SNX29: variants seen among roughly 807,000 people sequenced by gnomAD.
The protein encoded by SNX29 is sorting nexin 29.
SNX29 carries 78 observed loss-of-function variants against 102.1 expected under a neutral mutation model. That is an observed-to-expected ratio of 0.76 (90% CI 0.64 to 0.92). The LOEUF is 0.92. Among genes scored for constraint, SNX29 ranks in the 40% least tolerant of loss-of-function variants. The probability of loss-of-function intolerance (pLI) is 0.00; values close to 1 mark genes in which losing one functional copy is unlikely to be tolerated. For synonymous variants in SNX29, 580 were observed against 414.5 expected, an observed-to-expected ratio of 1.40 and a Z score of -4.85; for missense variants, 1,280 against 1,061.7, an observed-to-expected ratio of 1.21 and a Z score of -2.86.
At chr16:12,240,003 T>G (rs950816838) in intron 14 of SNX29, among the ~76,000 whole-genome samples, 1 of 152,218 alleles carries the variant, frequency 6.6e-6, no homozygotes, top group Non-Finnish European at 1.5e-5. Flanking sequence ...TAAAACACAT[T>G]TAGATCATTC....
intron 14 of SNX29, among the ~76,000 whole-genome samples, chr16:12,211,115 T>G (rs1255407304): frequency 1.3e-5 from 2 of 152,144 alleles, no homozygotes; most frequent in African/African-American, 4.8e-5. Context: ...TTATTTGATT[T>G]GTGCAGAGTA....
At chr16:12,508,436 T>C (rs1395496081) in intron 19 of SNX29, among the ~76,000 whole-genome samples, 1 of 152,234 alleles carries the variant, frequency 6.6e-6, no homozygotes, top group African/African-American at 2.4e-5. Flanking sequence ...TGATTTCTTT[T>C]TTCTGTTGCT....
intron 14 of SNX29, among the ~76,000 whole-genome samples, chr16:12,256,482 C>T (rs1245530738): frequency 1.3e-5 from 2 of 152,150 alleles, no homozygotes; most frequent in Non-Finnish European, 2.9e-5. Context: ...CGTGTACCAT[C>T]ATGCCCGGCT....
intron 18 of SNX29, among the ~76,000 whole-genome samples, chr16:12,466,411 A>G (rs922971179): frequency 1.3e-5 from 2 of 152,382 alleles, no homozygotes; most frequent in Middle Eastern, 3.4e-3. Context: ...TTATAATAAC[A>G]TCAGGCTAGA....
intron 1 of SNX29, among the ~76,000 whole-genome samples, chr16:11,994,158 C>G (rs1596545400): frequency 1.3e-5 from 2 of 152,166 alleles, no homozygotes; most frequent in East Asian, 3.9e-4. Flanking sequence ...AAAGAGAGAC[C>G]CAACTAGGTG....
chr16:12,105,919 G>A (rs1382131028), intron 11 of SNX29, among the ~76,000 whole-genome samples: 1 of 152,200 alleles, frequency 6.6e-6, no homozygotes, highest in South Asian at 2.1e-4. Flanking sequence ...CGAGCTCAGC[G>A]GTGGGCGTCC....
chr16:12,328,028 G>A (rs1030469143), intron 15 of SNX29, among the ~76,000 whole-genome samples: 1 of 152,198 alleles, frequency 6.6e-6, no homozygotes, highest in Non-Finnish European at 1.5e-5. Flanking sequence ...TCAGACTGTT[G>A]TGGGTTTCTA....
At chr16:12,526,899 C>G in intron 20 of SNX29, 2 of 393,570 alleles carry the variant, frequency 5.1e-6, no homozygotes, top group South Asian at 2.7e-5. Flanking sequence ...TGAATCTCAG[C>G]CATGCTGGTT....
intron 13 of SNX29, among the ~76,000 whole-genome samples, chr16:12,164,013 A>G (rs1021459462): frequency 2.0e-4 from 31 of 152,178 alleles, no homozygotes; most frequent in African/African-American, 7.2e-4. Flanking sequence ...TGAATCTGCA[A>G]AGGACCTATG....
At chr16:12,383,061 A>T (rs2083229106) in intron 16 of SNX29, among the ~76,000 whole-genome samples, 1 of 152,150 alleles carries the variant, frequency 6.6e-6, no homozygotes, top group East Asian at 1.9e-4. Flanking sequence ...AGCTGCTATT[A>T]TTTAAAAAAT....
At chr16:12,423,565 CT>C (rs199677318) in intron 18 of SNX29, among the ~76,000 whole-genome samples, 2 of 151,976 alleles carry the variant, frequency 1.3e-5, no homozygotes, top group Non-Finnish European at 2.9e-5. Flanking sequence ...TTGGGACATG[CT>C]TTTTTTTCTT....
intron 16 of SNX29, among the ~76,000 whole-genome samples, chr16:12,381,888 C>T (rs982551361): frequency 6.7e-6 from 1 of 149,866 alleles, no homozygotes; most frequent in Non-Finnish European, 1.5e-5. Flanking sequence ...TCCTCCCATT[C>T]ACCCCCACTC....
intron 11 of SNX29, among the ~76,000 whole-genome samples, chr16:12,113,935 G>A (rs781247096): frequency 1.3e-5 from 2 of 152,230 alleles, no homozygotes; most frequent in South Asian, 2.1e-4. Context: ...AGATGAGCTT[G>A]TGTAACCTCC....
chr16:12,327,885 A>G lies in SNX29; in HGVS notation c.1783-28278A>G, dbSNP rs942050085. Among the ~76,000 whole-genome samples the G allele has an allele frequency of 2.6e-5, 4 of 152,268 alleles. No homozygotes were observed. The East Asian group carries it at 5.8e-4, about 22-fold the overall frequency. ...TCATTCTACTGAGGGCCAGGTGGAC[A>G]GGGCCCTTCCTGCCACCATCCTGCT... is the stretch of plus-strand genomic sequence containing the variant. On this transcript the variant is annotated intron_variant, in intron 15 of 20. Transcript: ENST00000566228.
intron 18 of SNX29, among the ~76,000 whole-genome samples, chr16:12,408,660 A>G (rs1460326413): frequency 1.3e-5 from 2 of 152,154 alleles, no homozygotes; most frequent in African/African-American, 4.8e-5. Flanking sequence ...ATCTCTACTA[A>G]AAATACAAAA....
At chr16:12,277,471 A>G (rs1272915371) in intron 14 of SNX29, among the ~76,000 whole-genome samples, 3 of 152,150 alleles carry the variant, frequency 2.0e-5, no homozygotes. Flanking sequence ...ACCTGCCAAA[A>G]CATTGCCTGT....
chr16:12,223,069 T>G (rs1254565084), intron 14 of SNX29, among the ~76,000 whole-genome samples: 1 of 152,206 alleles, frequency 6.6e-6, no homozygotes, highest in Non-Finnish European at 1.5e-5. Context: ...ACACTAGTGA[T>G]CTGAAATGCG....
At chr16:12,280,497 T>C (rs2079397215) in intron 15 of SNX29, among the ~76,000 whole-genome samples, 3 of 152,118 alleles carry the variant, frequency 2.0e-5, no homozygotes, top group Admixed American at 2.0e-4. Flanking sequence ...TTCGTCTTAC[T>C]GGCCTCAAGC....
chr16:11,985,414 A>C (rs559576220), intron 1 of SNX29, among the ~76,000 whole-genome samples: 1 of 152,202 alleles, frequency 6.6e-6, no homozygotes, highest in African/African-American at 2.4e-5. Context: ...CAGCATGGGA[A>C]TATATGGTGT....
Sources: gnomAD v4.1 joint callset for allele counts (sites outside exome capture counted in the v4.1 genomes callset) on GRCh38, gnomAD v4.1.1 for gene constraint, MANE v1.5 for transcripts, NCBI Gene and HGNC (gene_info 2026-07-23, HGNC 2026-07-21) for gene names.